Variants in SAMD8 observed in about 807,000 individuals in gnomAD.
SAMD8 encodes the protein sterile alpha motif domain containing 8.
Under a neutral mutation model 42.0 loss-of-function variants are expected in SAMD8, and 20 were observed. The ratio of observed to expected loss-of-function variants is 0.48; its 90% CI spans 0.34 to 0.69. SAMD8 has a LOEUF of 0.69. Among genes scored for constraint, SAMD8 ranks in the 30% least tolerant of loss-of-function variants. The pLI is 0.01. For missense variants in SAMD8, 328 were observed against 511.6 expected, an observed-to-expected ratio of 0.64 and a Z score of 3.46; for synonymous variants, 162 against 173.0, an observed-to-expected ratio of 0.94 and a Z score of 0.50.
chr10:75,100,563 CCAGCT>C (rs970527576), intron 1 of SAMD8, among the ~76,000 whole-genome samples: 3 of 152,206 alleles, frequency 2.0e-5, no homozygotes, highest in African/African-American at 7.2e-5. Flanking sequence ...CTCCTTGTCC[CCAGCT>C]GGGTGAAGCA....
At chr10:75,120,772 A>ATT (rs1266516279) in intron 1 of SAMD8, among the ~76,000 whole-genome samples, 1 of 115,084 alleles carries the variant, frequency 8.7e-6, no homozygotes, top group Non-Finnish European at 1.8e-5. Flanking sequence ...AGTAATTTCC[A>ATT]TCTTTTTTTT....
At chr10:75,171,150 CTTTCTT>C (rs1228301874) in intron 4 of SAMD8, among the ~76,000 whole-genome samples, 2 of 118,852 alleles carry the variant, frequency 1.7e-5, no homozygotes, top group Non-Finnish European at 3.5e-5. Context: ...TTCTTTCTTT[CTTTCTT>C]TTTCTTTTTT....
chr10:75,169,431 G>C (rs1450606040), intron 4 of SAMD8, among the ~76,000 whole-genome samples: 1 of 151,496 alleles, frequency 6.6e-6, no homozygotes, highest in Non-Finnish European at 1.5e-5. Context: ...GTAGTGAGCC[G>C]AGATCGCACC....
At chr10:75,142,656 C>A (rs186561488) in intron 1 of SAMD8, among the ~76,000 whole-genome samples, 1 of 151,630 alleles carries the variant, frequency 6.6e-6, no homozygotes, top group Non-Finnish European at 1.5e-5. Flanking sequence ...AGGATGGTCT[C>A]GATCTCTTGA....
chr10:75,120,911 G>A (rs912198145), intron 1 of SAMD8, among the ~76,000 whole-genome samples: 2 of 150,606 alleles, frequency 1.3e-5, no homozygotes, highest in African/African-American at 4.9e-5. Context: ...CTCCCGAGTA[G>A]CTGGGACTAC....
chr10:75,111,788 G>T, intron 1 of SAMD8, 66 bp downstream of exon 1: 1 of 1,231,948 alleles, frequency 8.1e-7, no homozygotes, highest in Non-Finnish European at 1.0e-6. Context: ...GGTGAGTGGG[G>T]AGTCTGGGAT....
chr10:75,108,865 G>A (rs1023921142), upstream of SAMD8: 4 of 1,092,158 alleles, frequency 3.7e-6, no homozygotes, highest in Admixed American at 3.5e-5. Context: ...CAGCACCCCC[G>A]GGGGTCCTGG....
intron 1 of SAMD8, among the ~76,000 whole-genome samples, chr10:75,124,682 G>A (rs1468214051): frequency 4.6e-5 from 7 of 151,358 alleles, no homozygotes; most frequent in Non-Finnish European, 8.8e-5. Flanking sequence ...CTGAAGAGTA[G>A]CTCTCTCTTC....
intron 1 of SAMD8, among the ~76,000 whole-genome samples, chr10:75,121,332 G>A (rs1332971677): frequency 6.6e-6 from 1 of 152,124 alleles, no homozygotes; most frequent in Non-Finnish European, 1.5e-5. Context: ...CTGTATATCA[G>A]ATGTTGTTGG....
chr10:75,158,951 A>G (rs1000044447), intron 2 of SAMD8, among the ~76,000 whole-genome samples: 1 of 151,948 alleles, frequency 6.6e-6, no homozygotes, highest in African/African-American at 2.4e-5. Context: ...TTGTTTATCC[A>G]TTTATCAGTT....
rs542774927 is a variant in SAMD8 at position 75,178,445 on chromosome 10, A to T, written c.*1753A>T. On this transcript the variant is annotated 3_prime_UTR_variant, in exon 6 of 6. Coordinates refer to ENST00000542569, the MANE Select transcript of SAMD8 (RefSeq NM_001174156.2). Reference sequence around the variant, plus strand: ...TTCCTATGCCAGTTAGAGTGGTTTGACCCTTCAGGTAAAAAGATATGTTAC... The same window carrying T: ...TTCCTATGCCAGTTAGAGTGGTTTGTCCCTTCAGGTAAAAAGATATGTTAC... The T allele has an allele frequency of 4.6e-5, 7 of 152,322 alleles. No individual in the cohort carries two copies. The highest frequency in any genetic ancestry group is 1.7e-4 in the African/African-American group (7 of 41,574). The allele number at this position is 152,322 out of a possible 1,614,324, so 9.4% of individuals were successfully genotyped here.
At chr10:75,123,252 G>A (rs1454451520) in intron 1 of SAMD8, among the ~76,000 whole-genome samples, 1 of 150,180 alleles carries the variant, frequency 6.7e-6, no homozygotes, top group African/African-American at 2.4e-5. Context: ...TGAGGGTTGT[G>A]GGTGGCTTTG....
intron 2 of SAMD8, among the ~76,000 whole-genome samples, chr10:75,163,142 G>A (rs898663908): frequency 3.9e-5 from 6 of 152,148 alleles, no homozygotes; most frequent in African/African-American, 1.4e-4. Flanking sequence ...GGCCAGGCTG[G>A]TCTTGAACTC....
intron 1 of SAMD8, among the ~76,000 whole-genome samples, chr10:75,137,832 G>A (rs1432593514): frequency 6.6e-6 from 1 of 152,120 alleles, no homozygotes; most frequent in South Asian, 2.1e-4. Context: ...TGTATTTAAG[G>A]AAACAGAACT....
chr10:75,113,722 T>TAA (rs1848820400), intron 1 of SAMD8, among the ~76,000 whole-genome samples: 4 of 152,366 alleles, frequency 2.6e-5, no homozygotes, highest in Admixed American at 2.6e-4. Flanking sequence ...CTGAGATTGT[T>TAA]AAAGTATTAA....
intron 1 of SAMD8, among the ~76,000 whole-genome samples, chr10:75,102,883 T>G (rs569314086): frequency 0.014 from 2,118 of 151,414 alleles, 50 homozygotes; most frequent in African/African-American, 0.048. Flanking sequence ...ACCCGGGAGG[T>G]GGGGGTTGTA....
chr10:75,107,626 G>C (rs1039203748), upstream of SAMD8, among the ~76,000 whole-genome samples: 1 of 152,120 alleles, frequency 6.6e-6, no homozygotes, highest in Non-Finnish European at 1.5e-5. Flanking sequence ...GCCCAGGCTA[G>C]AGTGAAGTGG....
chr10:75,102,014 C>G, intron 1 of SAMD8: 1 of 1,290,056 alleles, frequency 7.8e-7, no homozygotes, highest in Non-Finnish European at 1.0e-6. Flanking sequence ...TCCCCTCTTC[C>G]AGCCTCCCCT....
At position 75,176,481 on chromosome 10, in the gene SAMD8, C is replaced by T; in HGVS notation, c.1037C>T (p.Ser346Phe). 2 of 1,551,110 alleles carry T rather than the reference C, an allele frequency of 1.3e-6. No homozygotes were observed. Among genetic ancestry groups the T allele is most frequent in the Non-Finnish European group, 1.7e-6 (2 of 1,147,066 alleles). ...FFILAAHEHY[S>F]IDVFIAFYIT... ...ATCTTGGCTGCCCATGAACATTATT[C>T]TATTGATGTGTTTATTGCTTTTTAT... The change falls in exon 6 of 6, where the codon TCT becomes TTT. Residue 346 changes from serine to phenylalanine, a missense_variant. Ser to Phe is a radical substitution (Grantham distance 155, BLOSUM62 -2). Transcript: ENST00000542569. The surrounding 1 kb of genome is among the most constrained non-coding windows in gnomAD (Gnocchi z 4.3).
Sources: gnomAD v4.1 joint callset for allele counts (sites outside exome capture counted in the v4.1 genomes callset) on GRCh38, gnomAD v4.1.1 for gene constraint, Gnocchi (gnomAD v3.1) non-coding constraint, MANE v1.5 for transcripts, NCBI Gene and HGNC (gene_info 2026-07-23, HGNC 2026-07-21) for gene names.